The following CEP295 variants were observed in gnomAD, a reference collection of about 807,000 sequenced individuals.
The protein encoded by CEP295 is centrosomal protein 295, also known as centrosomal protein of 295 kDa.
Under a neutral mutation model 291.6 loss-of-function variants are expected in CEP295, and 190 were observed. The ratio of observed to expected loss-of-function variants is 0.65; its 90% CI spans 0.58 to 0.73. The LOEUF is 0.73. CEP295 is among the 30% of genes least tolerant of loss of function. The pLI is 0.00. For synonymous variants in CEP295, 993 were observed against 1,038.8 expected, an observed-to-expected ratio of 0.96 and a Z score of 0.85; for missense variants, 2,863 against 2,949.4, an observed-to-expected ratio of 0.97 and a Z score of 0.68.
rs1565233694 is a variant in CEP295, at chr11:93,730,291, G to GT, written c.*28dup. Reference sequence around the variant, plus strand: ...CTGACTTTCTAGAAATAGTGTAAAGGTTTTTTAATTGTGTATATGTAGCAT... The same window carrying GT: ...CTGACTTTCTAGAAATAGTGTAAAGGTTTTTTTAATTGTGTATATGTAGCAT... On this transcript the variant is annotated 3_prime_UTR_variant, in exon 30 of 30. Coordinates refer to ENST00000325212, the MANE Select transcript of CEP295 (RefSeq NM_033395.2). 1 of 1,500,632 alleles carries GT rather than the reference G, an allele frequency of 6.7e-7. No individual in the cohort carries two copies. The highest frequency in any genetic ancestry group is 9.1e-7 in the Non-Finnish European group (1 of 1,102,062). The allele number at this position is 1,500,632 out of a possible 1,614,324, so 93.0% of individuals were successfully genotyped here. A position where few individuals can be genotyped will look rare whatever the true frequency, so the allele number is the denominator to read the frequency against.
rs1951874389 is a variant in CEP295, at chr11:93,696,967, A to G, written c.2055A>G (p.Arg685=). 3 of 1,551,724 alleles carry G rather than the reference A, an allele frequency of 1.9e-6. No homozygotes were observed. In the East Asian group the frequency reaches 7.3e-5, roughly 38 times the overall value. The change falls in exon 15 of 30, where the codon AGA becomes AGG. Residue 685 remains arginine, a synonymous_variant. Coordinates refer to ENST00000325212, the MANE Select transcript of CEP295 (RefSeq NM_033395.2). ...CGAGACAAAATCACTTTCCACAAAG[A>G]CAGGTGGAAACAACAGAAACATTAC... ...QVARQNHFPQ[R]QVETTETLRA...
chr11:93,721,665 G>GGTGTGTGTGTGT (rs59894789), intron 19 of CEP295: 10 of 607,008 alleles, frequency 1.6e-5, no homozygotes, highest in East Asian at 1.1e-4. Flanking sequence ...GCATATGTCT[G>GGTGTGTGTGTGT]GTGTGTGTGT....
At chr11:93,695,361 A>G in intron 12 of CEP295, 136 bp from the exon 13 acceptor site, 1 of 510,120 alleles carries the variant, frequency 2.0e-6, no homozygotes. Flanking sequence ...AACAACAGAG[A>G]TAAAGCATCA....
chr11:93,695,538 AC>A lies in CEP295; in HGVS notation c.1576del (p.Glu527AsnfsTer8), dbSNP rs1279688296. ...EEQKQKQLEL[L>X]EQIEQQKLRL... ...AGCAGAAGCAAAAGCAATTGGAATT[AC>A]TTGAACAAATTGAACAGCAGAAATT... On this transcript the variant is annotated frameshift_variant, in exon 13 of 30. Coordinates refer to ENST00000325212, the MANE Select transcript of CEP295 (RefSeq NM_033395.2). LOFTEE classifies it high-confidence loss of function. 2.0e-6 allele frequency: 3 copies of A among 1,475,806 alleles called. No homozygotes were observed. Among genetic ancestry groups the A allele is most frequent in the Non-Finnish European group, 2.7e-6 (3 of 1,122,308 alleles). 91.4% of individuals were successfully genotyped at this position (1,475,806 alleles called of 1,614,324 possible).
In CEP295 at chr11:93,698,005, A is replaced by C; in HGVS notation, c.3093A>C (p.Ser1031=). ...HSSKSEKGLV[S]CQSDIPISQD... ...CTAAGAGCGAGAAAGGACTTGTTTC[A>C]TGCCAATCTGACATCCCCATATCTC... Residue 1031 remains serine, a synonymous_variant, in exon 15 of 30, where the codon TCA becomes TCC. Transcript: ENST00000325212. 6.4e-7 allele frequency: 1 copy of C among 1,551,742 alleles called. No individual in the cohort carries two copies.
At chr11:93,691,627 CTTTAAG>C (rs1951557373) in intron 10 of CEP295, 50 bp from the exon 11 acceptor site, 1 of 1,194,770 alleles carries the variant, frequency 8.4e-7, no homozygotes, top group Non-Finnish European at 1.2e-6. Context: ...TGTTATTTTG[CTTTAAG>C]TTTGACAATG....
In CEP295 at chr11:93,696,254, A is replaced by G. The variant is rs549513563; in HGVS notation, c.1672-66A>G. 2.1e-4 allele frequency: 177 copies of G among 862,386 alleles called. No homozygotes were observed. The South Asian group carries it at 2.7e-3, about 13-fold the overall frequency. 53.4% of individuals were successfully genotyped at this position (862,386 alleles called of 1,614,324 possible). A position where few individuals can be genotyped will look rare whatever the true frequency, so the allele number is the denominator to read the frequency against. ...TGGAAGTTTACAATTATAGAACTGT[A>G]TGTAAAAATACTTCAATACTTACTT... On this transcript the variant is annotated intron_variant, in intron 13 of 29. Coordinates refer to ENST00000325212, the MANE Select transcript of CEP295 (RefSeq NM_033395.2).
chr11:93,691,579 C>T (rs1951555237), intron 10 of CEP295, 104 bp from the exon 11 acceptor site: 3 of 690,542 alleles, frequency 4.3e-6, no homozygotes, highest in Non-Finnish European at 7.5e-6. Context: ...ATGAGACATT[C>T]AGATGGCCCT....
chr11:93,713,163 T>C (rs1032678367), intron 18 of CEP295, among the ~76,000 whole-genome samples: 4 of 152,224 alleles, frequency 2.6e-5, no homozygotes, highest in African/African-American at 9.6e-5. Context: ...TGTCTATATC[T>C]TGAAAAGTCG....
Position 93,706,750 on chromosome 11 carries a change from C to A in CEP295, c.5602C>A (p.Pro1868Thr). 6.5e-7 allele frequency: 1 copy of A among 1,527,690 alleles called. No individual in the cohort carries two copies. Among genetic ancestry groups the A allele is most frequent in the South Asian group, 1.3e-5 (1 of 79,716 alleles). 94.6% of individuals were successfully genotyped at this position (1,527,690 alleles called of 1,614,324 possible). A position where few individuals can be genotyped will look rare whatever the true frequency, so the allele number is the denominator to read the frequency against. The change falls in exon 18 of 30, where the codon CCA becomes ACA. Residue 1868 changes from proline (P) to threonine (T), a missense_variant. By Grantham distance (38) the Pro-to-Thr change is conservative. Transcript: ENST00000325212. ...AAATATTTTTTCCCCCCCAGGTAAA[C>A]CAGGTATTTATGAAGACAGAGACCC... ...AIGRTSILGK[P>T]GIYEDRDPLR...
intron 10 of CEP295, among the ~76,000 whole-genome samples, chr11:93,689,093 C>G (rs1315045613): frequency 6.6e-6 from 1 of 152,182 alleles, no homozygotes; most frequent in African/African-American, 2.4e-5. Context: ...CCACCTACAT[C>G]CTAGCTTAAG....
Position 93,690,600 on chromosome 11 carries a change from C to T in CEP295, c.1337-1083C>T, listed in dbSNP as rs1951479160. Among the ~76,000 whole-genome samples the T allele has an allele frequency of 2.7e-5, 4 of 146,488 alleles. No homozygotes were observed. In the South Asian group the frequency reaches 6.6e-4, roughly 24 times the overall value. Reference sequence around the variant, plus strand: ...AAAAAAAGTGAGCCAGGCGTGGTGGCGGGCACCTGTAGTCCCAGCTACTCG... The same window carrying T: ...AAAAAAAGTGAGCCAGGCGTGGTGGTGGGCACCTGTAGTCCCAGCTACTCG... On this transcript the variant is annotated intron_variant, in intron 10 of 29. Transcript: ENST00000325212.
intron 20 of CEP295, chr11:93,722,395 A>T (rs79988288): frequency 0.034 from 7,203 of 213,660 alleles, 217 homozygotes; most frequent in Non-Finnish European, 0.04. Context: ...CTGGGAGGTC[A>T]AGGCTGCAAT....
At chr11:93,726,596 T>C (rs1339465234) in intron 23 of CEP295, 6 of 158,012 alleles carry the variant, frequency 3.8e-5, no homozygotes, top group Non-Finnish European at 8.3e-5. Context: ...TGATTATATA[T>C]ACACACAAAC....
intron 18 of CEP295, among the ~76,000 whole-genome samples, chr11:93,707,756 G>GA (rs541745975): frequency 2.7e-4 from 38 of 141,994 alleles, no homozygotes; most frequent in South Asian, 8.9e-4. Context: ...GACTCCATCT[G>GA]AAAAAAAAAA....
chr11:93,667,948 G>A (rs1950262894), intron 3 of CEP295, 141 bp downstream of exon 3: 1 of 620,160 alleles, frequency 1.6e-6, no homozygotes. Context: ...TAAATTTAAT[G>A]TAATTTGTGA....
At position 93,697,322 on chromosome 11, in the gene CEP295, T is replaced by A; in HGVS notation, c.2410T>A (p.Ser804Thr). The change falls in exon 15 of 30, where the codon TCA becomes ACA. Residue 804 changes from serine (S) to threonine (T), a missense_variant. Physicochemically the swap from Ser to Thr is moderately conservative, Grantham distance 58. Around this residue, in one of 3 missense-constraint regions of CEP295, gnomAD observed 2,295 missense variants for 2,335.7 expected, o/e 0.98. Coordinates refer to ENST00000325212, the MANE Select transcript of CEP295 (RefSeq NM_033395.2). ...TAGTTCTCTGCCTGTTAAAGTTGAG[T>A]CAGGAAAAATTCAAGAACCCTTTTC... ...SFSSLPVKVESGKIQEPFSAM... is the reference protein window; with the variant it reads ...SFSSLPVKVETGKIQEPFSAM... 1 of 1,551,722 alleles carries A rather than the reference T, an allele frequency of 6.4e-7. No homozygotes were observed. The highest frequency in any genetic ancestry group is 1.4e-5 in the African/African-American group (1 of 73,154).
At chr11:93,720,662 G>A (rs1156450877) in intron 18 of CEP295, among the ~76,000 whole-genome samples, 4 of 151,938 alleles carry the variant, frequency 2.6e-5, no homozygotes, top group East Asian at 1.9e-4. Context: ...GCACATTCTC[G>A]GTTCATTACA....
intron 19 of CEP295, chr11:93,721,700 G>A (rs761270709): frequency 1.2e-5 from 8 of 675,424 alleles, no homozygotes; most frequent in Admixed American, 1.9e-5. Flanking sequence ...GTGTGTGTGT[G>A]TACGCACATG....
Sources: gnomAD v4.1 joint callset for allele counts (sites outside exome capture counted in the v4.1 genomes callset) on GRCh38, gnomAD v4.1.1 for gene constraint, gnomAD v4.1.1 regional missense constraint, MANE v1.5 for transcripts, NCBI Gene and HGNC (gene_info 2026-07-23, HGNC 2026-07-21) for gene names.